SYT1: variants seen among roughly 807,000 people sequenced by gnomAD.
SYT1 encodes the protein synaptotagmin-1.
In SYT1, 8 loss-of-function variants were observed where a neutral mutation model predicts 44.8. The observed-to-expected ratio is 0.18, with a 90% CI of 0.10 to 0.32. SYT1 has a LOEUF of 0.32. Among genes scored for constraint, SYT1 ranks in the 10% least tolerant of loss-of-function variants. SYT1 has a pLI of 1.00. For synonymous variants in SYT1, 154 were observed against 188.8 expected (o/e 0.82, Z 1.51); for missense variants, 286 against 509.3 (o/e 0.56, Z 4.22).
chr12:79,151,665 GT>G (rs1870281629), intron 3 of SYT1, among the ~76,000 whole-genome samples: 1 of 152,146 alleles, frequency 6.6e-6, no homozygotes, highest in Non-Finnish European at 1.5e-5. Flanking sequence ...AAGATTATGA[GT>G]ATAGAAAGGA....
chr12:79,193,207 G>C (rs1405195287), intron 3 of SYT1, among the ~76,000 whole-genome samples: 1 of 152,078 alleles, frequency 6.6e-6, no homozygotes. Flanking sequence ...GGAGTTTACA[G>C]TATGACTTTT....
rs191490209 is a variant in SYT1 at position 79,217,769 on chromosome 12, G to A, written c.166+84G>A. On this transcript the variant is annotated intron_variant, in intron 4 of 10. Coordinates refer to ENST00000261205, the MANE Select transcript of SYT1 (RefSeq NM_005639.3). ...TTGGAAAGAAAGTAGAACTCCGTTT[G>A]ATATACTATAAATTTACATTTAATT... The A allele has an allele frequency of 8.7e-4, 959 of 1,104,154 alleles. 5 individuals are homozygous for A. In the African/African-American group the frequency reaches 0.014, roughly 16 times the overall value. 68.4% of individuals were successfully genotyped at this position (1,104,154 alleles called of 1,614,324 possible). A position where few individuals can be genotyped will look rare whatever the true frequency, so the allele number is the denominator to read the frequency against.
chr12:79,218,470 C>T (rs1918197), intron 4 of SYT1, among the ~76,000 whole-genome samples: 106,353 of 151,550 alleles, frequency 0.7, 37,755 homozygotes, highest in African/African-American at 0.77. Flanking sequence ...ATCTCTCGAA[C>T]TTATTTCTCC....
chr12:79,180,663 T>G (rs1872479053), intron 3 of SYT1, among the ~76,000 whole-genome samples: 1 of 151,480 alleles, frequency 6.6e-6, no homozygotes, highest in African/African-American at 2.4e-5. Flanking sequence ...AAGGGGGAGG[T>G]GCCACACACT....
intron 2 of SYT1, among the ~76,000 whole-genome samples, chr12:79,045,206 G>T (rs961549098): frequency 6.6e-6 from 1 of 152,174 alleles, no homozygotes; most frequent in African/African-American, 2.4e-5. Flanking sequence ...AATGGCGGGC[G>T]CCCCTCCCCC....
At chr12:79,093,627 T>C (rs866655615) in intron 3 of SYT1, among the ~76,000 whole-genome samples, 1 of 151,732 alleles carries the variant, frequency 6.6e-6, no homozygotes, top group African/African-American at 2.4e-5. Context: ...TCACTCTCTT[T>C]ACCCAACTCT....
At chr12:79,376,016 T>G (rs1883980707) in intron 9 of SYT1, among the ~76,000 whole-genome samples, 1 of 152,212 alleles carries the variant, frequency 6.6e-6, no homozygotes, top group Admixed American at 6.5e-5. Context: ...TTTCTATACA[T>G]CTATCTTATC....
At chr12:79,278,478 A>C (rs1878861507) in intron 4 of SYT1, among the ~76,000 whole-genome samples, 1 of 152,142 alleles carries the variant, frequency 6.6e-6, no homozygotes, top group Non-Finnish European at 1.5e-5. Flanking sequence ...TATAACAGTA[A>C]CACAATGTAT....
intron 3 of SYT1, among the ~76,000 whole-genome samples, chr12:79,126,318 T>C (rs1868434568): frequency 6.6e-6 from 1 of 152,238 alleles, no homozygotes; most frequent in African/African-American, 2.4e-5. Flanking sequence ...TGGAGTGCAG[T>C]AGCACGATCT....
At chr12:79,355,392 T>A (rs1487830503) in intron 9 of SYT1, among the ~76,000 whole-genome samples, 2 of 152,224 alleles carry the variant, frequency 1.3e-5, no homozygotes, top group Non-Finnish European at 2.9e-5. Context: ...TATTCTTTGT[T>A]TCTGAAGAGA....
intron 1 of SYT1, among the ~76,000 whole-genome samples, chr12:78,872,648 T>G (rs1461042870): frequency 6.6e-6 from 1 of 151,914 alleles, no homozygotes; most frequent in East Asian, 1.9e-4. Context: ...TTTCCTTTCT[T>G]TTTTTGTATC....
intron 8 of SYT1, among the ~76,000 whole-genome samples, chr12:79,344,531 C>G (rs1041521203): frequency 1.3e-5 from 2 of 152,146 alleles, no homozygotes; most frequent in Admixed American, 1.3e-4. Flanking sequence ...CTGCCCACTG[C>G]AACCTCCACC....
At chr12:78,894,984 A>G (rs1482584833) in intron 1 of SYT1, among the ~76,000 whole-genome samples, 1 of 151,724 alleles carries the variant, frequency 6.6e-6, no homozygotes, top group Admixed American at 6.6e-5. Flanking sequence ...GCCATTCCAC[A>G]ATATATACAT....
chr12:79,266,729 G>A (rs1878148981), intron 4 of SYT1, among the ~76,000 whole-genome samples: 1 of 152,158 alleles, frequency 6.6e-6, no homozygotes, highest in Non-Finnish European at 1.5e-5. Flanking sequence ...TTTGAAAATT[G>A]GACAGATAAA....
rs540838808 is a variant in SYT1 at position 79,213,009 on chromosome 12, A to G, written c.-17-4494A>G. ...GTGCCTAATAAATGGAATCATTAGT[A>G]TTAGCCCCTTTTGGTGTTATTTTAT... On this transcript the variant is annotated intron_variant, in intron 3 of 10. Coordinates refer to ENST00000261205, the MANE Select transcript of SYT1 (RefSeq NM_005639.3). Among the ~76,000 whole-genome samples, 37 of 152,342 alleles carry G rather than the reference A, an allele frequency of 2.4e-4. 1 individual carries two copies. The highest frequency in any genetic ancestry group is 1.8e-3 in the Admixed American group (28 of 15,300).
chr12:79,446,482 A>T (rs138647477), intron 10 of SYT1, among the ~76,000 whole-genome samples: 9 of 152,280 alleles, frequency 5.9e-5, no homozygotes, highest in African/African-American at 1.9e-4. Flanking sequence ...TAATTTGACC[A>T]AGGAACGTTA....
chr12:79,414,983 T>C (rs1443948167), intron 9 of SYT1, among the ~76,000 whole-genome samples: 1 of 152,198 alleles, frequency 6.6e-6, no homozygotes, highest in Non-Finnish European at 1.5e-5. Context: ...CACAGGTACT[T>C]GTATTTTTTT....
intron 1 of SYT1, among the ~76,000 whole-genome samples, chr12:78,885,727 G>A (rs1874713498): frequency 6.6e-6 from 1 of 151,904 alleles, no homozygotes; most frequent in African/African-American, 2.4e-5. Flanking sequence ...TAAGGCCCTG[G>A]GGTGACTATG....
intron 3 of SYT1, among the ~76,000 whole-genome samples, chr12:79,105,095 AC>A (rs1236078809): frequency 6.6e-6 from 1 of 152,210 alleles, no homozygotes; most frequent in African/African-American, 2.4e-5. Flanking sequence ...ACAATTCAAA[AC>A]ACATAGAGCA....
Sources: allele counts gnomAD v4.1 joint callset (sites outside exome capture counted in the v4.1 genomes callset), GRCh38; gene constraint gnomAD v4.1.1; transcripts MANE v1.5; gene names NCBI Gene and HGNC (gene_info 2026-07-23, HGNC 2026-07-21).